Variants in PCDH15 observed in about 807,000 individuals in gnomAD.
PCDH15 encodes protocadherin-15.
PCDH15 carries 129 observed loss-of-function variants against 178.5 expected under a neutral mutation model. The ratio of observed to expected loss-of-function variants is 0.72; its 90% CI spans 0.63 to 0.84. The LOEUF (loss-of-function observed/expected upper bound fraction) is 0.84, where lower values mean the gene tolerates loss of function less well. Ranked by LOEUF, PCDH15 falls within the 40% of genes least tolerant of loss-of-function variation. The pLI, the probability that PCDH15 is intolerant of heterozygous loss-of-function variation, is 0.00. For missense variants in PCDH15, 2,230 were observed against 2,099.9 expected (o/e 1.06, Z -1.21); for synonymous variants, 800 against 732.0 (o/e 1.09, Z -1.50).
chr10:53,856,972 T>G (rs2078789900), intron 28 of PCDH15, among the ~76,000 whole-genome samples: 1 of 151,972 alleles, frequency 6.6e-6, no homozygotes, highest in Non-Finnish European at 1.5e-5. Flanking sequence ...GGGAGGGGCA[T>G]GAGGGCTGAC....
intron 2 of PCDH15, among the ~76,000 whole-genome samples, chr10:54,565,665 T>C (rs1413647060): frequency 1.3e-5 from 2 of 152,236 alleles, no homozygotes; most frequent in African/African-American, 4.8e-5. Flanking sequence ...GGGTGGTATT[T>C]ACCTAGCTGT....
intron 2 of PCDH15, among the ~76,000 whole-genome samples, chr10:55,350,882 T>TA (rs1214050967): frequency 6.6e-6 from 1 of 152,146 alleles, no homozygotes; most frequent in African/African-American, 2.4e-5. Flanking sequence ...CTCAATTGTT[T>TA]AAAAATAAAT....
chr10:53,976,284 C>CATTA (rs1157907751), intron 21 of PCDH15, among the ~76,000 whole-genome samples: 1 of 151,918 alleles, frequency 6.6e-6, no homozygotes, highest in African/African-American at 2.4e-5. Flanking sequence ...ATGTGGGGTT[C>CATTA]ATTCATTCAT....
chr10:54,084,241 C>T (rs2094481157), intron 16 of PCDH15, among the ~76,000 whole-genome samples: 1 of 151,706 alleles, frequency 6.6e-6, no homozygotes, highest in African/African-American at 2.4e-5. Flanking sequence ...TCCCTGGGAG[C>T]TTATTTAAAA....
intron 2 of PCDH15, among the ~76,000 whole-genome samples, chr10:55,576,792 T>G (rs1486036595): frequency 6.6e-6 from 1 of 152,064 alleles, no homozygotes; most frequent in Non-Finnish European, 1.5e-5. Flanking sequence ...GCAATAATAT[T>G]TACCTGTTTA....
intron 2 of PCDH15, among the ~76,000 whole-genome samples, chr10:55,142,952 T>C (rs1297203418): frequency 6.6e-6 from 1 of 152,124 alleles, no homozygotes; most frequent in East Asian, 1.9e-4. Flanking sequence ...AATCCCCACA[T>C]GACAGAGGAG....
chr10:55,524,866 T>C (rs1841268178), intron 2 of PCDH15, among the ~76,000 whole-genome samples: 1 of 151,762 alleles, frequency 6.6e-6, no homozygotes, highest in African/African-American at 2.4e-5. Context: ...ATTAAGGCAA[T>C]TAGTTAACTT....
chr10:54,432,769 A>G (rs1342301196), intron 3 of PCDH15, among the ~76,000 whole-genome samples: 1 of 152,164 alleles, frequency 6.6e-6, no homozygotes, highest in Non-Finnish European at 1.5e-5. Context: ...CAAAGGAAAA[A>G]ATCAACAAAT....
At chr10:54,976,110 G>T (rs536764081) in intron 2 of PCDH15, among the ~76,000 whole-genome samples, 1 of 152,070 alleles carries the variant, frequency 6.6e-6, no homozygotes, top group Non-Finnish European at 1.5e-5. Context: ...TCAAAATTAT[G>T]AGAAAATTTC....
intron 18 of PCDH15, among the ~76,000 whole-genome samples, chr10:54,049,015 T>C (rs192107483): frequency 1.4e-4 from 21 of 152,274 alleles, no homozygotes; most frequent in African/African-American, 3.9e-4. Flanking sequence ...AGAATGCTTT[T>C]CCATTTGTTT....
chr10:54,575,268 T>C (rs997070653), intron 2 of PCDH15: 1 of 151,516 alleles, frequency 6.6e-6, no homozygotes, highest in Non-Finnish European at 1.5e-5. Flanking sequence ...ACCTGCACAA[T>C]GTACACATGT....
rs7090408 is a variant in PCDH15 at position 53,808,829 on chromosome 10, C to T, written c.4672-1699G>A. On this transcript the variant is annotated intron_variant, in intron 37 of 37. Coordinates refer to ENST00000644397, the MANE Select transcript of PCDH15 (RefSeq NM_001384140.1). ...CTTTCGCTACTACTGCTACTACTAC[C>T]TGATTCTGATTCCTCCTCACTTTCC... 3.6e-4 allele frequency: 585 copies of T among 1,610,748 alleles called. No individual in the cohort carries two copies. In the African/African-American group the frequency reaches 6.6e-3, roughly 18 times the overall value.
At chr10:54,895,079 G>A (rs1438361314) in intron 3 of PCDH15, among the ~76,000 whole-genome samples, 2 of 151,886 alleles carry the variant, frequency 1.3e-5, no homozygotes, top group Middle Eastern at 3.2e-3. Context: ...TTTAAATATG[G>A]GACACACATA....
chr10:54,543,654 GT>G (rs1216115889), intron 2 of PCDH15, among the ~76,000 whole-genome samples: 1 of 152,002 alleles, frequency 6.6e-6, no homozygotes, highest in Non-Finnish European at 1.5e-5. Flanking sequence ...GATCATTCTT[GT>G]CACACCCAAT....
intron 2 of PCDH15, among the ~76,000 whole-genome samples, chr10:55,609,513 C>G (rs1185357928): frequency 6.6e-6 from 1 of 152,042 alleles, no homozygotes. Context: ...GCCCACTGTT[C>G]AGATCTTTAT....
At chr10:54,913,865 C>A (rs1184209363) in intron 2 of PCDH15, among the ~76,000 whole-genome samples, 2 of 152,098 alleles carry the variant, frequency 1.3e-5, no homozygotes, top group African/African-American at 4.8e-5. Flanking sequence ...GGCCTGTAGC[C>A]CCTTTGTTTT....
At chr10:55,004,700 T>A (rs1014548991) in intron 2 of PCDH15, among the ~76,000 whole-genome samples, 5 of 152,216 alleles carry the variant, frequency 3.3e-5, no homozygotes, top group African/African-American at 4.8e-5. Context: ...ACTGAACTCC[T>A]GTTTTCCTCA....
At position 55,237,606 on chromosome 10, in the gene PCDH15, CT is replaced by C. The variant is rs577367378; in HGVS notation, c.-155-70956del. 1.3e-3 allele frequency among the ~76,000 whole-genome samples: 202 copies of C among 152,130 alleles called. 1 individual carries two copies. Among genetic ancestry groups the C allele is most frequent in the African/African-American group, 4.7e-3 (197 of 41,536 alleles). On this transcript the variant is annotated intron_variant, in intron 1 of 5. Coordinates refer to the PCDH15 transcript ENST00000458638. ...CAAAGAGATCATTCTAAATTTGATG[CT>C]GTATAATTCTCTATATTCAGAAATT...
chr10:54,845,184 T>A (rs2131756927), intron 3 of PCDH15, among the ~76,000 whole-genome samples: 1 of 152,082 alleles, frequency 6.6e-6, no homozygotes, highest in South Asian at 2.1e-4. Context: ...TTCATTATGT[T>A]AATTTTATAA....
Sources: allele counts gnomAD v4.1 joint callset (sites outside exome capture counted in the v4.1 genomes callset), GRCh38; gene constraint gnomAD v4.1.1; transcripts MANE v1.5; gene names NCBI Gene and HGNC (gene_info 2026-07-23, HGNC 2026-07-21).